ENOX1: variants seen among roughly 807,000 people sequenced by gnomAD.
ENOX1 encodes ecto-NOX disulfide-thiol exchanger 1.
A neutral mutation model predicts 82.5 loss-of-function variants in ENOX1; 42 were observed. That is an observed-to-expected ratio of 0.51 (90% CI 0.40 to 0.66). ENOX1 has a LOEUF of 0.66. Ranked by LOEUF, ENOX1 falls within the 30% of genes least tolerant of loss-of-function variation. The pLI, the probability that ENOX1 is intolerant of heterozygous loss-of-function variation, is 0.00. For missense variants in ENOX1, 608 were observed against 811.6 expected, an observed-to-expected ratio of 0.75 and a Z score of 3.05; for synonymous variants, 271 against 282.2, an observed-to-expected ratio of 0.96 and a Z score of 0.40.
At chr13:43,681,473 T>A (rs2153797822) in intron 1 of ENOX1, among the ~76,000 whole-genome samples, 1 of 152,254 alleles carries the variant, frequency 6.6e-6, no homozygotes, top group East Asian at 1.9e-4. Flanking sequence ...ATATTTAAAT[T>A]TTTCTCTTGG....
chr13:43,625,076 T>C (rs977017036), intron 2 of ENOX1, among the ~76,000 whole-genome samples: 2 of 152,058 alleles, frequency 1.3e-5, no homozygotes, highest in Admixed American at 1.3e-4. Context: ...TCAGCATGCA[T>C]TTCTTATACA....
rs76280170 is a variant in ENOX1, at chr13:43,686,218, G to A, written c.-284-18674C>T. ...TCATGATAATATCTTGAGGTAGACT[G>A]GTAGTATTAATATTCTCATTTTTTA... is the stretch of plus-strand genomic sequence containing the variant. On this transcript the variant is annotated intron_variant, in intron 1 of 16. Transcript: ENST00000690772. Among the ~76,000 whole-genome samples the A allele has an allele frequency of 9.0e-3, 1,363 of 152,178 alleles. 21 individuals carry two copies. The highest frequency in any genetic ancestry group is 0.031 in the African/African-American group (1,291 of 41,508).
At chr13:43,338,571 A>G (rs1213542241) in intron 9 of ENOX1, among the ~76,000 whole-genome samples, 1 of 151,198 alleles carries the variant, frequency 6.6e-6, no homozygotes. Flanking sequence ...AGGATAGACG[A>G]TGTCCTCATC....
At chr13:43,618,620 C>T (rs1392362322) in intron 2 of ENOX1, among the ~76,000 whole-genome samples, 2 of 152,120 alleles carry the variant, frequency 1.3e-5, no homozygotes, top group African/African-American at 4.8e-5. Flanking sequence ...TGTACCAGTA[C>T]AACACTGTTT....
chr13:43,733,793 G>A (rs1300056618), intron 1 of ENOX1, among the ~76,000 whole-genome samples: 2 of 152,124 alleles, frequency 1.3e-5, no homozygotes, highest in African/African-American at 4.8e-5. Flanking sequence ...TGGGAATAGG[G>A]TCTTTCAAGA....
intron 1 of ENOX1, among the ~76,000 whole-genome samples, chr13:43,749,507 G>A (rs1317572651): frequency 6.6e-6 from 1 of 152,246 alleles, no homozygotes; most frequent in Non-Finnish European, 1.5e-5. Context: ...AGAGAGCCAT[G>A]GAAATGCTGG....
chr13:43,248,411 C>A (rs1479000334), intron 14 of ENOX1, among the ~76,000 whole-genome samples: 1 of 150,940 alleles, frequency 6.6e-6, no homozygotes, highest in Non-Finnish European at 1.5e-5. Flanking sequence ...CATTTTACAG[C>A]CTTTTGGTCC....
intron 9 of ENOX1, among the ~76,000 whole-genome samples, chr13:43,333,670 T>C (rs991200242): frequency 2.6e-5 from 4 of 152,258 alleles, no homozygotes; most frequent in African/African-American, 4.8e-5. Flanking sequence ...TCACCCAGCC[T>C]GAAGTGCAGC....
chr13:43,243,635 G>A (rs1322775408), intron 14 of ENOX1, among the ~76,000 whole-genome samples: 1 of 152,136 alleles, frequency 6.6e-6, no homozygotes, highest in Admixed American at 6.5e-5. Context: ...CTCCTACTTT[G>A]TCTCTGCCTC....
intron 2 of ENOX1, among the ~76,000 whole-genome samples, chr13:43,542,116 A>G (rs1397163940): frequency 2.0e-5 from 3 of 152,182 alleles, no homozygotes; most frequent in African/African-American, 4.8e-5. Context: ...GGTCCCTGGA[A>G]TTTAAAGCAT....
At chr13:43,258,552 G>A (rs930160262) in intron 14 of ENOX1, among the ~76,000 whole-genome samples, 2 of 152,152 alleles carry the variant, frequency 1.3e-5, no homozygotes, top group African/African-American at 4.8e-5. Context: ...TTAATATGTG[G>A]ACAGGGTAAT....
chr13:43,615,453 A>G (rs893824345), intron 2 of ENOX1, among the ~76,000 whole-genome samples: 4 of 152,170 alleles, frequency 2.6e-5, no homozygotes, highest in African/African-American at 9.7e-5. Flanking sequence ...GGCCCCTTCC[A>G]AGGACCAGGA....
chr13:43,498,307 T>C (rs1160828741), intron 2 of ENOX1, among the ~76,000 whole-genome samples: 1 of 152,142 alleles, frequency 6.6e-6, no homozygotes, highest in Non-Finnish European at 1.5e-5. Context: ...TCTGAGATTA[T>C]GGATTTGTTC....
chr13:43,402,498 A>T (rs2153591133), intron 5 of ENOX1, among the ~76,000 whole-genome samples: 1 of 152,348 alleles, frequency 6.6e-6, no homozygotes, highest in African/African-American at 2.4e-5. Context: ...GATTAGCTAC[A>T]GTTCTTTCCC....
chr13:43,514,511 C>G (rs749818210), intron 2 of ENOX1, among the ~76,000 whole-genome samples: 1 of 152,070 alleles, frequency 6.6e-6, no homozygotes, highest in Non-Finnish European at 1.5e-5. Context: ...TTATCTTAAA[C>G]AGCTGGAAGG....
chr13:43,401,063 CAAT>C (rs1330144942), intron 5 of ENOX1, among the ~76,000 whole-genome samples: 1 of 137,332 alleles, frequency 7.3e-6, no homozygotes, highest in African/African-American at 3.2e-5. Flanking sequence ...GCAGAGGATT[CAAT>C]GATGCAAGAT....
chr13:43,352,301 A>G (rs1287450713), intron 8 of ENOX1, among the ~76,000 whole-genome samples: 1 of 152,250 alleles, frequency 6.6e-6, no homozygotes, highest in Non-Finnish European at 1.5e-5. Context: ...TTTCATCACA[A>G]AATGAAAGAT....
chr13:43,776,848 C>T (rs1951945374), intron 1 of ENOX1, among the ~76,000 whole-genome samples: 1 of 152,054 alleles, frequency 6.6e-6, no homozygotes, highest in African/African-American at 2.4e-5. Flanking sequence ...TCCTGCATCA[C>T]CCTTTTCCCT....
intron 5 of ENOX1, among the ~76,000 whole-genome samples, chr13:43,389,675 G>A (rs1339978483): frequency 6.6e-6 from 1 of 152,172 alleles, no homozygotes; most frequent in Non-Finnish European, 1.5e-5. Flanking sequence ...TTCTAATGAG[G>A]AAACTGAAGG....
Sources: allele counts gnomAD v4.1 joint callset (sites outside exome capture counted in the v4.1 genomes callset), GRCh38; gene constraint gnomAD v4.1.1; transcripts MANE v1.5; gene names NCBI Gene and HGNC (gene_info 2026-07-23, HGNC 2026-07-21).